The following SH3BGRL variants were observed in gnomAD, a reference collection of about 807,000 sequenced individuals.
SH3BGRL encodes adapter SH3BGRL.
Under a neutral mutation model 9.8 loss-of-function variants are expected in SH3BGRL, and 7 were observed. That is an observed-to-expected ratio of 0.72 (90% confidence interval 0.41 to 1.35). The LOEUF (loss-of-function observed/expected upper bound fraction) is 1.35. SH3BGRL is among the 40% of genes most tolerant of loss of function. SH3BGRL has a pLI of 0.01. For synonymous variants in SH3BGRL, 36 were observed against 29.1 expected, an observed-to-expected ratio of 1.24 and a Z score of -0.76; for missense variants, 73 against 84.4, an observed-to-expected ratio of 0.86 and a Z score of 0.53.
chrX:81,220,641 T>G (rs2075597474), intron 1 of SH3BGRL, among the ~76,000 whole-genome samples: 2 of 110,657 alleles, frequency 1.8e-5, no homozygotes, highest in Non-Finnish European at 3.8e-5. Flanking sequence ...CCTTATTTAT[T>G]TATTTTCTTC....
intron 1 of SH3BGRL, among the ~76,000 whole-genome samples, chrX:81,253,673 A>G (rs1029403037): frequency 1.8e-5 from 2 of 112,403 alleles, no homozygotes; most frequent in African/African-American, 6.5e-5. Flanking sequence ...CCTTTCAAAA[A>G]TCTGTAAGAC....
At chrX:81,258,601 T>A (rs1416756223) in intron 1 of SH3BGRL, among the ~76,000 whole-genome samples, 1 of 112,572 alleles carries the variant, frequency 8.9e-6, no homozygotes, top group Non-Finnish European at 1.9e-5. Context: ...CAAGGTGTTT[T>A]GGTTGAGAGA....
chrX:81,269,551 C>G (rs1198829486), intron 1 of SH3BGRL, among the ~76,000 whole-genome samples: 3 of 111,872 alleles, frequency 2.7e-5, no homozygotes, highest in Non-Finnish European at 3.8e-5. Flanking sequence ...GGCCCCCACT[C>G]TCTTCTGGCT....
chrX:81,286,557 C>A (rs751204546), intron 3 of SH3BGRL, among the ~76,000 whole-genome samples: 15 of 104,533 alleles, frequency 1.4e-4, no homozygotes, highest in African/African-American at 5.2e-4. Context: ...AGGATGGATG[C>A]CTATAATGGG....
chrX:81,297,082 G>A, intron 3 of SH3BGRL, 113 bp from the exon 4 acceptor site: 1 of 517,786 alleles, frequency 1.9e-6, no homozygotes, highest in Non-Finnish European at 3.1e-6. Flanking sequence ...AATCTCTTCT[G>A]GGGGCTTTTG....
rs748576452 is a variant in SH3BGRL at position 81,297,242 on chromosome X, G to A, written c.*15G>A. On this transcript the variant is annotated 3_prime_UTR_variant, in exon 4 of 4. Coordinates refer to ENST00000373212, the MANE Select transcript of SH3BGRL (RefSeq NM_003022.3). ...AGCAAGCATGAACCTTAAGCACTGTGCTTTAAGCATCCTGAAAAATGAGTC... is the reference window on the plus strand; with the variant it reads ...AGCAAGCATGAACCTTAAGCACTGTACTTTAAGCATCCTGAAAAATGAGTC... The A allele has an allele frequency of 8.4e-7, 1 of 1,187,820 alleles. No homozygotes were observed. The highest frequency in any genetic ancestry group is 3.0e-5 in the East Asian group (1 of 33,525).
intron 1 of SH3BGRL, among the ~76,000 whole-genome samples, chrX:81,274,365 C>G (rs1052078508): frequency 9.0e-6 from 1 of 111,168 alleles, no homozygotes; most frequent in Non-Finnish European, 1.9e-5. Context: ...GTAATCCCAG[C>G]ACTTTGGGAG....
intron 1 of SH3BGRL, among the ~76,000 whole-genome samples, chrX:81,224,213 G>C (rs1439541014): frequency 9.0e-6 from 1 of 111,642 alleles, no homozygotes; most frequent in Admixed American, 9.5e-5. Context: ...ACTTAATGCT[G>C]TGACTTTTTA....
intron 1 of SH3BGRL, among the ~76,000 whole-genome samples, chrX:81,238,827 G>GAGGGA (rs2075657850): frequency 2.5e-5 from 2 of 81,029 alleles, no homozygotes; most frequent in African/African-American, 8.6e-5. Flanking sequence ...AGAGAGAGAG[G>GAGGGA]GAGAGAGAGA....
chrX:81,288,181 T>G (rs1326294960), intron 3 of SH3BGRL, among the ~76,000 whole-genome samples: 1 of 111,992 alleles, frequency 8.9e-6, no homozygotes, highest in Non-Finnish European at 1.9e-5. Flanking sequence ...GAATGAAGGA[T>G]AACAACCATC....
intron 3 of SH3BGRL, among the ~76,000 whole-genome samples, chrX:81,280,296 C>T (rs2075812211): frequency 9.0e-6 from 1 of 111,081 alleles, no homozygotes; most frequent in Non-Finnish European, 1.9e-5. Flanking sequence ...AGGGCCCTGC[C>T]TACTGCGGGT....
rs1375964800 is a variant in SH3BGRL at position 81,212,258 on chromosome X, A to G, written c.45+10013A>G. On this transcript the variant is annotated intron_variant, in intron 1 of 3. Coordinates refer to ENST00000373212, the MANE Select transcript of SH3BGRL (RefSeq NM_003022.3). Reference sequence around the variant, plus strand: ...AAAAATAAAAAATAAAAAAAAAAGAATAAAGATGTTAAATTTAAACTTTCT... The same window carrying G: ...AAAAATAAAAAATAAAAAAAAAAGAGTAAAGATGTTAAATTTAAACTTTCT... Among the ~76,000 whole-genome samples, 6 of 111,170 alleles carry G rather than the reference A, an allele frequency of 5.4e-5. No homozygotes were observed. In the Admixed American group the frequency reaches 5.8e-4, roughly 11 times the overall value.
chrX:81,232,876 C>G (rs1241833182), intron 1 of SH3BGRL, among the ~76,000 whole-genome samples: 1 of 111,229 alleles, frequency 9.0e-6, no homozygotes, highest in East Asian at 2.8e-4. Flanking sequence ...TTTATTTAAA[C>G]TTTTGATATT....
At chrX:81,206,038 C>T (rs1171670336) in intron 1 of SH3BGRL, among the ~76,000 whole-genome samples, 1 of 111,098 alleles carries the variant, frequency 9.0e-6, no homozygotes, top group Non-Finnish European at 1.9e-5. Flanking sequence ...AAATCATTTG[C>T]CATTTAAAAA....
intron 1 of SH3BGRL, among the ~76,000 whole-genome samples, chrX:81,230,026 G>T (rs2075628391): frequency 9.0e-6 from 1 of 111,649 alleles, no homozygotes; most frequent in African/African-American, 3.3e-5. Flanking sequence ...CAGAGGTTGA[G>T]TGTGAATTCC....
At chrX:81,222,299 T>C (rs1401283086) in intron 1 of SH3BGRL, among the ~76,000 whole-genome samples, 3 of 106,984 alleles carry the variant, frequency 2.8e-5, no homozygotes, top group Non-Finnish European at 1.9e-5. Context: ...ATTAGGTATA[T>C]CTCCTAATGC....
chrX:81,236,900 G>GGAGAGAGAGAGA (rs3051997), intron 1 of SH3BGRL, among the ~76,000 whole-genome samples: 7 of 97,384 alleles, frequency 7.2e-5, no homozygotes, highest in Non-Finnish European at 1.5e-4. Context: ...AGAGGCTGAG[G>GGAGAGAGAGAGA]GAGAGAGAGA....
chrX:81,229,939 G>A (rs965184853), intron 1 of SH3BGRL, among the ~76,000 whole-genome samples: 7 of 111,810 alleles, frequency 6.3e-5, no homozygotes, highest in Non-Finnish European at 1.1e-4. Context: ...CCTTCCCAGC[G>A]CTTCCATGCT....
intron 1 of SH3BGRL, among the ~76,000 whole-genome samples, chrX:81,205,332 T>C (rs1160847324): frequency 9.0e-6 from 1 of 110,677 alleles, no homozygotes; most frequent in African/African-American, 3.3e-5. Flanking sequence ...GGTATGTCTT[T>C]TGTCTTTCTG....
Sources: gnomAD v4.1 joint callset for allele counts (sites outside exome capture counted in the v4.1 genomes callset) on GRCh38, gnomAD v4.1.1 for gene constraint, MANE v1.5 for transcripts, NCBI Gene and HGNC (gene_info 2026-07-23, HGNC 2026-07-21) for gene names.